The following TENM3 variants were observed in gnomAD, a reference collection of about 807,000 sequenced individuals.
TENM3 encodes teneurin transmembrane protein 3.
Under a neutral mutation model 255.1 loss-of-function variants are expected in TENM3, and 63 were observed. That is an observed-to-expected ratio of 0.25 (90% CI 0.20 to 0.30). TENM3 has a LOEUF of 0.30. Ranked by LOEUF, TENM3 falls within the 10% of genes least tolerant of loss-of-function variation. The probability of loss-of-function intolerance (pLI) is 1.00; values close to 1 mark genes in which losing one functional copy is unlikely to be tolerated. For missense variants in TENM3, 2,929 were observed against 3,461.1 expected, an observed-to-expected ratio of 0.85 and a Z score of 3.86; for synonymous variants, 1,306 against 1,322.3, an observed-to-expected ratio of 0.99 and a Z score of 0.27.
At chr4:182,696,609 C>G (rs1164610762) in intron 12 of TENM3, among the ~76,000 whole-genome samples, 1 of 151,926 alleles carries the variant, frequency 6.6e-6, no homozygotes, top group Non-Finnish European at 1.5e-5. Context: ...CCTGTAATCC[C>G]AGCTACTTGG....
intron 3 of TENM3, among the ~76,000 whole-genome samples, chr4:182,459,948 A>G (rs1318547392): frequency 2.0e-5 from 3 of 152,128 alleles, no homozygotes; most frequent in Non-Finnish European, 4.4e-5. Flanking sequence ...GTTAAAAATA[A>G]CCTCCTTGTG....
the TENM3 span, among the ~76,000 whole-genome samples, chr4:181,725,142 C>T: frequency 9.6e-4 from 146 of 152,268 alleles, no homozygotes; most frequent in African/African-American, 3.1e-3. Context: ...TTTAGCTTAG[C>T]GTTCAGCATC....
chr4:182,642,302 C>A (rs760430363), intron 5 of TENM3, among the ~76,000 whole-genome samples: 26 of 152,162 alleles, frequency 1.7e-4, no homozygotes, highest in Non-Finnish European at 3.4e-4. Flanking sequence ...TAACTTAATT[C>A]TCTCTGTGAC....
chr4:182,497,829 C>A (rs1735924039), intron 3 of TENM3, among the ~76,000 whole-genome samples: 1 of 141,294 alleles, frequency 7.1e-6, no homozygotes, highest in African/African-American at 2.8e-5. Flanking sequence ...AGCATATACC[C>A]CATCTCTACT....
At chr4:181,737,085 C>G in the TENM3 span, among the ~76,000 whole-genome samples, 2 of 152,056 alleles carry the variant, frequency 1.3e-5, no homozygotes, top group Non-Finnish European at 2.9e-5. Flanking sequence ...CATCAGCTAC[C>G]GGTAGTTCTT....
the TENM3 span, among the ~76,000 whole-genome samples, chr4:182,088,573 AAG>A: frequency 6.6e-6 from 1 of 152,150 alleles, no homozygotes; most frequent in Non-Finnish European, 1.5e-5. Flanking sequence ...TTTTTTAAAA[AAG>A]AGAGAGAACC....
At chr4:182,048,578 A>T in the TENM3 span, among the ~76,000 whole-genome samples, 6 of 152,232 alleles carry the variant, frequency 3.9e-5, no homozygotes, top group African/African-American at 1.4e-4. Flanking sequence ...GAATTCACAA[A>T]GGTGACTTCA....
chr4:182,373,649 C>G (rs546373314), intron 3 of TENM3, among the ~76,000 whole-genome samples: 1 of 152,138 alleles, frequency 6.6e-6, no homozygotes, highest in Admixed American at 6.5e-5. Flanking sequence ...ACCTCCCACA[C>G]GGCTCCACCT....
the TENM3 span, among the ~76,000 whole-genome samples, chr4:181,752,969 G>C: frequency 5.9e-5 from 9 of 152,220 alleles, no homozygotes; most frequent in African/African-American, 2.2e-4. Context: ...GAGATTTAGT[G>C]TTCATAGCTG....
the TENM3 span, among the ~76,000 whole-genome samples, chr4:181,894,133 G>A: frequency 6.6e-6 from 1 of 152,088 alleles, no homozygotes; most frequent in Non-Finnish European, 1.5e-5. Flanking sequence ...CATGTTTTTG[G>A]ATAAGGAGCT....
the TENM3 span, among the ~76,000 whole-genome samples, chr4:181,744,273 G>A: frequency 2.6e-4 from 39 of 152,182 alleles, no homozygotes; most frequent in Middle Eastern, 3.4e-3. Flanking sequence ...TGAATGGTGC[G>A]TCAACGAACA....
chr4:181,915,500 A>G, the TENM3 span, among the ~76,000 whole-genome samples: 1 of 152,156 alleles, frequency 6.6e-6, no homozygotes, highest in Non-Finnish European at 1.5e-5. Flanking sequence ...TGAGAAGAAT[A>G]TTATACATGC....
At chr4:182,023,369 G>T in the TENM3 span, among the ~76,000 whole-genome samples, 6 of 152,232 alleles carry the variant, frequency 3.9e-5, no homozygotes, top group Middle Eastern at 0.01. Flanking sequence ...CTGAGAATAC[G>T]TCTAGAGGGT....
chr4:181,957,703 A>G, the TENM3 span, among the ~76,000 whole-genome samples: 1 of 152,198 alleles, frequency 6.6e-6, no homozygotes, highest in Non-Finnish European at 1.5e-5. Flanking sequence ...CTAGGCAGAC[A>G]CTAGTTTGCT....
intron 2 of TENM3, among the ~76,000 whole-genome samples, chr4:182,335,838 A>C (rs904186375): frequency 3.2e-4 from 48 of 152,206 alleles, no homozygotes; most frequent in African/African-American, 1.1e-3. Flanking sequence ...GTTTGAAAAC[A>C]GAAAGATAAA....
the TENM3 span, among the ~76,000 whole-genome samples, chr4:181,705,268 A>G: frequency 2.6e-5 from 4 of 152,226 alleles, no homozygotes; most frequent in African/African-American, 7.2e-5. Context: ...CATTACGAAG[A>G]GTTTACCGAT....
the TENM3 span, among the ~76,000 whole-genome samples, chr4:181,971,344 A>G: frequency 6.6e-6 from 1 of 152,178 alleles, no homozygotes; most frequent in Non-Finnish European, 1.5e-5. Context: ...TTAAAGAAAG[A>G]AACAGACAAA....
the TENM3 span, among the ~76,000 whole-genome samples, chr4:181,738,728 C>T: frequency 3.3e-5 from 5 of 151,992 alleles, no homozygotes. Context: ...AACCCCCCTC[C>T]TAAATTATGG....
intron 1 of TENM3, chr4:182,169,387 C>A: frequency 2.2e-6 from 1 of 449,486 alleles, no homozygotes; most frequent in Admixed American, 2.6e-5. Context: ...CCCAAAAATT[C>A]AAGTAAAAAT....
Sources: gnomAD v4.1 joint callset for allele counts (sites outside exome capture counted in the v4.1 genomes callset) on GRCh38, gnomAD v4.1.1 for gene constraint, MANE v1.5 for transcripts, NCBI Gene and HGNC (gene_info 2026-07-23, HGNC 2026-07-21) for gene names.